The following PHF10 variants were observed in gnomAD, a reference collection of about 807,000 sequenced individuals.
PHF10 encodes PHD finger protein 10.
In PHF10, 51 loss-of-function variants were observed where a neutral mutation model predicts 68.5. That is an observed-to-expected ratio of 0.74 (90% CI 0.59 to 0.94). The LOEUF (loss-of-function observed/expected upper bound fraction) is 0.94, where lower values mean the gene tolerates loss of function less well. PHF10 is among the 40% of genes least tolerant of loss of function. The probability of loss-of-function intolerance (pLI) is 0.00; values close to 1 mark genes in which losing one functional copy is unlikely to be tolerated. For missense variants in PHF10, 460 were observed against 602.6 expected, an observed-to-expected ratio of 0.76 and a Z score of 2.48; for synonymous variants, 204 against 203.5, an observed-to-expected ratio of 1.00 and a Z score of -0.02.
intron 1 of PHF10, among the ~76,000 whole-genome samples, chr6:169,722,810 T>C (rs1383610436): frequency 6.6e-6 from 1 of 152,194 alleles, no homozygotes; most frequent in African/African-American, 2.4e-5. Flanking sequence ...ATCAGATGAA[T>C]TTCTATGCAT....
intron 2 of PHF10, chr6:169,719,404 G>C (rs929810811): frequency 6.5e-6 from 1 of 153,086 alleles, no homozygotes; most frequent in East Asian, 1.9e-4. Context: ...GTAACTGTTT[G>C]TTCTCAGATA....
At chr6:169,714,619 A>G (rs1789001365) in intron 7 of PHF10, 114 bp downstream of exon 7, 2 of 692,332 alleles carry the variant, frequency 2.9e-6, no homozygotes, top group East Asian at 4.9e-5. Context: ...CAAATCCTAT[A>G]CGATATCTTA....
intron 9 of PHF10, among the ~76,000 whole-genome samples, chr6:169,706,735 C>T (rs771460981): frequency 0.13 from 6,876 of 54,116 alleles, 122 homozygotes; most frequent in Non-Finnish European, 0.14. Context: ...CATACACACA[C>T]ACACACACAC....
chr6:169,715,304 T>C (rs1789021006), intron 6 of PHF10, among the ~76,000 whole-genome samples: 1 of 152,140 alleles, frequency 6.6e-6, no homozygotes, highest in African/African-American at 2.4e-5. Context: ...GTAAATTGAG[T>C]ATTATTAAGC....
chr6:169,710,817 A>G (rs1788911837), intron 8 of PHF10, among the ~76,000 whole-genome samples: 1 of 152,072 alleles, frequency 6.6e-6, no homozygotes, highest in African/African-American at 2.4e-5. Context: ...GTCCTTCAGG[A>G]AAAATGAAGC....
rs762440493 is a variant in PHF10 at position 169,714,846 on chromosome 6, C to G, written c.694-4G>C. The G allele has an allele frequency of 7.8e-6, 11 of 1,410,074 alleles. No individual in the cohort carries two copies. Among genetic ancestry groups the G allele is most frequent in the Non-Finnish European group, 1.1e-5 (11 of 993,888 alleles). The allele number at this position is 1,410,074 out of a possible 1,614,324, so 87.3% of individuals were successfully genotyped here. ...TCCCTTGAGGTACCTGGATAACCTA[C>G]GTTAACATAAAGAGAAACACAAAAC... is the stretch of plus-strand genomic sequence containing the variant. On this transcript the variant is annotated splice_region_variant and splice_polypyrimidine_tract_variant and intron_variant, in intron 6 of 11. Transcript: ENST00000339209.
At chr6:169,718,659 C>T (rs141647577) in intron 3 of PHF10, 129 bp downstream of exon 3, 1 of 599,510 alleles carries the variant, frequency 1.7e-6, no homozygotes, top group Non-Finnish European at 2.8e-6. Context: ...CAGAATGAGA[C>T]CCTTAGTCTT....
chr6:169,704,007 C>G lies in PHF10; in HGVS notation c.1493G>C (p.Gly498Ala). The G allele has an allele frequency of 6.3e-7, 1 of 1,598,146 alleles. No homozygotes were observed. The highest frequency in any genetic ancestry group is 1.1e-5 in the South Asian group (1 of 87,346). The change falls in exon 12 of 12, where the codon GGA becomes GCA. Residue 498 changes from glycine to alanine, a missense_variant. By Grantham distance (60) the Gly-to-Ala change is moderately conservative (BLOSUM62 0). This residue lies in a region of PHF10 where 111 missense variants were observed against 109.7 expected (regional missense o/e 1.01). Transcript: ENST00000339209. ...GTATTAGAGTCAAAAACTATTTTAT[C>G]CCTCTTTGCTGTTTTTCCCCCTTCT... ...VGRRGKNSKE[G>A]
At chr6:169,705,425 T>C in intron 10 of PHF10, 104 bp from the exon 11 acceptor site, 3 of 815,078 alleles carry the variant, frequency 3.7e-6, no homozygotes, top group Non-Finnish European at 5.9e-6. Context: ...ATGGCTATAA[T>C]GTCAAATCGC....
chr6:169,705,543 G>A, intron 10 of PHF10, 73 bp downstream of exon 10: 1 of 910,292 alleles, frequency 1.1e-6, no homozygotes, highest in Non-Finnish European at 1.8e-6. Context: ...AAATCTGCCT[G>A]AAACTATAAA....
At chr6:169,715,606 C>G (rs1585302747) in intron 6 of PHF10, 102 bp downstream of exon 6, 2 of 1,002,490 alleles carry the variant, frequency 2.0e-6, no homozygotes, top group Admixed American at 2.0e-5. Flanking sequence ...AAAACACACA[C>G]ACATAGGTGG....
rs539182805 is a variant in PHF10, at chr6:169,714,622, A to G, written c.803+111T>C. ...AGAATAGCAACACAAATCCTATACGATATCTTACGGTGATATCTATAGACC... is the reference window on the plus strand; with the variant it reads ...AGAATAGCAACACAAATCCTATACGGTATCTTACGGTGATATCTATAGACC... On this transcript the variant is annotated intron_variant, in intron 7 of 11. Coordinates refer to ENST00000339209, the MANE Select transcript of PHF10 (RefSeq NM_018288.4). The G allele has an allele frequency of 2.2e-4, 150 of 696,400 alleles. No individual in the cohort carries two copies. In the African/African-American group the frequency reaches 2.2e-3, roughly 10 times the overall value. The allele number at this position is 696,400 out of a possible 1,614,324, so 43.1% of individuals were successfully genotyped here.
At chr6:169,712,601 T>C (rs992442677) in intron 7 of PHF10, 62 bp from the exon 8 acceptor site, 174 of 1,429,544 alleles carry the variant, frequency 1.2e-4, no homozygotes, top group Admixed American at 4.3e-5. Flanking sequence ...AGACTCATCT[T>C]TGACCTATGA....
chr6:169,705,011 G>T, intron 11 of PHF10, 122 bp downstream of exon 11: 1 of 623,846 alleles, frequency 1.6e-6, no homozygotes, highest in Non-Finnish European at 2.7e-6. Flanking sequence ...CACAGCTTTG[G>T]TCATATTTGC....
chr6:169,706,727 T>TACACAC (rs55829134), intron 9 of PHF10, among the ~76,000 whole-genome samples: 22 of 127,446 alleles, frequency 1.7e-4, no homozygotes, highest in East Asian at 8.8e-4. Context: ...CATACATACA[T>TACACAC]ACACACACAC....
intron 9 of PHF10, 105 bp downstream of exon 9, chr6:169,710,131 T>C: frequency 5.1e-6 from 4 of 777,474 alleles, no homozygotes; most frequent in Admixed American, 5.3e-5. Flanking sequence ...GAACAGCTAG[T>C]GAGGTACAGC....
rs1430582888 is a variant in PHF10 at position 169,719,704 on chromosome 6, A to ATCC, written c.195-787_195-786insGGA. Among the ~76,000 whole-genome samples, 6 of 152,202 alleles carry ATCC rather than the reference A, an allele frequency of 3.9e-5. No homozygotes were observed. The East Asian group carries it at 1.2e-3, about 29-fold the overall frequency. ...CTCAAAATGGATCAACAACCTAAAT[A>ATCC]TAAGAGCTAACTAGAAAACTCTTAG... is the stretch of plus-strand genomic sequence containing the variant. On this transcript the variant is annotated intron_variant, in intron 2 of 11. Transcript: ENST00000339209.
At chr6:169,706,636 T>C (rs555643066) in intron 9 of PHF10, among the ~76,000 whole-genome samples, 5 of 151,570 alleles carry the variant, frequency 3.3e-5, no homozygotes, top group Non-Finnish European at 7.4e-5. Context: ...CGTTCACTCA[T>C]GCTATAGAAA....
intron 6 of PHF10, among the ~76,000 whole-genome samples, chr6:169,715,173 T>A (rs1415095111): frequency 6.6e-6 from 1 of 152,162 alleles, no homozygotes; most frequent in Non-Finnish European, 1.5e-5. Context: ...ATGGTTACTA[T>A]GAGAATTAAC....
Sources: gnomAD v4.1 joint callset for allele counts (sites outside exome capture counted in the v4.1 genomes callset) on GRCh38, gnomAD v4.1.1 for gene constraint, gnomAD v4.1.1 regional missense constraint, MANE v1.5 for transcripts, NCBI Gene and HGNC (gene_info 2026-07-23, HGNC 2026-07-21) for gene names.